Variants in PDE10A observed in about 807,000 individuals in gnomAD.
The protein encoded by PDE10A is phosphodiesterase 10A, also known as cAMP and cAMP-inhibited cGMP 3',5'-cyclic phosphodiesterase 10A.
A neutral mutation model predicts 97.7 loss-of-function variants in PDE10A; 39 were observed. The observed-to-expected ratio is 0.40, with a 90% CI of 0.31 to 0.52. The LOEUF (loss-of-function observed/expected upper bound fraction) is 0.52, where lower values mean the gene tolerates loss of function less well. PDE10A is among the 20% of genes least tolerant of loss of function. PDE10A has a pLI of 0.56. For synonymous variants in PDE10A, 371 were observed against 376.8 expected (o/e 0.98, Z 0.18); for missense variants, 731 against 1,047.8 (o/e 0.70, Z 4.17).
intron 13 of PDE10A, among the ~76,000 whole-genome samples, chr6:165,397,527 T>A (rs527967378): frequency 1.2e-4 from 18 of 151,910 alleles, no homozygotes; most frequent in Non-Finnish European, 2.1e-4. Context: ...CTGGCCAACA[T>A]GGCAAAACCC....
At chr6:165,529,351 A>G (rs1038213588) in intron 2 of PDE10A, among the ~76,000 whole-genome samples, 3 of 152,202 alleles carry the variant, frequency 2.0e-5, no homozygotes, top group African/African-American at 7.2e-5. Context: ...GGAAACTATA[A>G]GCCCTGTGAT....
At chr6:165,945,918 G>A (rs558876652) in intron 1 of PDE10A, among the ~76,000 whole-genome samples, 2 of 152,308 alleles carry the variant, frequency 1.3e-5, no homozygotes, top group African/African-American at 2.4e-5. Flanking sequence ...TTTAGCAACT[G>A]TAAAAATGCC....
Position 165,681,439 on chromosome 6 carries a change from T to G in PDE10A, c.-614-137871A>C, listed in dbSNP as rs143367561. The stretch of plus-strand genomic sequence containing the variant: ...GTGTGTGTGTGTGTGTCTGTGTGCA[T>G]TTTCCCTTAAAGCAATGGTGCAGAA... On this transcript the variant is annotated intron_variant, in intron 1 of 19. Coordinates refer to the PDE10A transcript ENST00000366882. 3.4e-3 allele frequency among the ~76,000 whole-genome samples: 524 copies of G among 152,088 alleles called. 1 individual carries two copies. Among genetic ancestry groups the G allele is most frequent in the Non-Finnish European group, 5.0e-3 (339 of 68,004 alleles).
intron 1 of PDE10A, among the ~76,000 whole-genome samples, chr6:165,698,401 G>A (rs115862802): frequency 0.016 from 2,442 of 152,264 alleles, 65 homozygotes; most frequent in African/African-American, 0.057. Context: ...AACAGGCAAC[G>A]CAAGCTGGAG....
chr6:165,345,596 G>T lies in PDE10A; in HGVS notation c.2784-2094C>A, dbSNP rs186178939. Among the ~76,000 whole-genome samples the T allele has an allele frequency of 1.5e-3, 229 of 152,294 alleles. 1 individual carries two copies. Among genetic ancestry groups the T allele is most frequent in the African/African-American group, 5.1e-3 (213 of 41,554 alleles). On this transcript the variant is annotated intron_variant, in intron 18 of 21. Coordinates refer to ENST00000539869, the MANE Select transcript of PDE10A (RefSeq NM_001385079.1). ...CCAATTGTGAAAGGATCATGTTCAT[G>T]CTAAGCCTACTCTTGGTTTGAGATC...
chr6:165,572,532 C>A (rs1785097718), intron 1 of PDE10A, among the ~76,000 whole-genome samples: 1 of 152,218 alleles, frequency 6.6e-6, no homozygotes, highest in Non-Finnish European at 1.5e-5. Context: ...TCCAAAATGT[C>A]ATTTTAACAA....
chr6:165,498,857 T>C (rs1189961299), intron 2 of PDE10A, among the ~76,000 whole-genome samples: 3 of 152,216 alleles, frequency 2.0e-5, no homozygotes, highest in South Asian at 4.1e-4. Context: ...ACTAACTTCA[T>C]TGGTACATCT....
At chr6:165,839,842 T>TCCC (rs1780176813) in intron 1 of PDE10A, among the ~76,000 whole-genome samples, 1 of 81,212 alleles carries the variant, frequency 1.2e-5, no homozygotes, top group Non-Finnish European at 2.5e-5. Flanking sequence ...GTCTCCATTC[T>TCCC]TATCATCTCC....
chr6:165,958,511 AAG>A (rs1562326974), intron 1 of PDE10A, among the ~76,000 whole-genome samples: 2 of 9,450 alleles, frequency 2.1e-4, no homozygotes, highest in African/African-American at 1.4e-3. Context: ...GAAAGAAAGA[AAG>A]AAAGAAAGAA....
intron 1 of PDE10A, among the ~76,000 whole-genome samples, chr6:165,598,639 G>T (rs899902089): frequency 5.3e-5 from 8 of 152,088 alleles, no homozygotes; most frequent in Non-Finnish European, 1.2e-4. Context: ...TAAAGATAAT[G>T]CACATCAAAT....
In PDE10A at chr6:165,333,229, G is replaced by A. The variant is rs112317923; in HGVS notation, c.3066-102C>T. The A allele has an allele frequency of 3.1e-4, 227 of 737,228 alleles. No homozygotes were observed. The African/African-American group carries it at 3.3e-3, about 11-fold the overall frequency. The allele number at this position is 737,228 out of a possible 1,614,324, so 45.7% of individuals were successfully genotyped here. A position where few individuals can be genotyped will look rare whatever the true frequency, so the allele number is the denominator to read the frequency against. On this transcript the variant is annotated intron_variant, in intron 21 of 21. Transcript: ENST00000539869. ...GTCCTGTGGCACAGCTCTGCACAAC[G>A]GCATTGTGTGGGGCCCTCCGACATG...
intron 2 of PDE10A, among the ~76,000 whole-genome samples, chr6:165,502,571 T>C (rs1309067360): frequency 6.6e-6 from 1 of 152,128 alleles, no homozygotes; most frequent in African/African-American, 2.4e-5. Context: ...AAGTACCCAT[T>C]AGAATGGAGA....
intron 1 of PDE10A, among the ~76,000 whole-genome samples, chr6:165,952,076 G>A (rs555215631): frequency 1.2e-4 from 19 of 152,306 alleles, no homozygotes; most frequent in South Asian, 1.2e-3. Context: ...GTCCTCATGC[G>A]AAGTAACGAG....
intron 1 of PDE10A, chr6:165,576,393 C>T: frequency 1.3e-6 from 1 of 780,738 alleles, no homozygotes; most frequent in Non-Finnish European, 2.4e-6. Context: ...CTTTTGCTGG[C>T]TTCGTGTCCT....
chr6:165,600,723 T>C (rs563053802), intron 1 of PDE10A, among the ~76,000 whole-genome samples: 3 of 152,312 alleles, frequency 2.0e-5, no homozygotes, highest in Non-Finnish European at 4.4e-5. Flanking sequence ...TCCCACAGTA[T>C]GTGTTGTATA....
chr6:165,898,903 C>T (rs1226316447), intron 1 of PDE10A, among the ~76,000 whole-genome samples: 1 of 152,202 alleles, frequency 6.6e-6, no homozygotes, highest in African/African-American at 2.4e-5. Context: ...GTTCTTCCTC[C>T]AGATGTCTGT....
At chr6:165,749,047 T>G (rs1463677630) in intron 1 of PDE10A, among the ~76,000 whole-genome samples, 1 of 152,202 alleles carries the variant, frequency 6.6e-6, no homozygotes, top group Non-Finnish European at 1.5e-5. Context: ...TATTCTAATC[T>G]CTCATCTCTT....
chr6:165,722,084 T>G (rs1792180065), intron 1 of PDE10A, among the ~76,000 whole-genome samples: 1 of 152,206 alleles, frequency 6.6e-6, no homozygotes, highest in Admixed American at 6.5e-5. Context: ...TTGCAAAAAT[T>G]TTCAAGTGGC....
chr6:165,929,287 G>T (rs549635348), intron 1 of PDE10A, among the ~76,000 whole-genome samples: 1 of 152,290 alleles, frequency 6.6e-6, no homozygotes, highest in African/African-American at 2.4e-5. Flanking sequence ...GATGGTGTAG[G>T]AAGTGGCTGG....
Sources: allele counts gnomAD v4.1 joint callset (sites outside exome capture counted in the v4.1 genomes callset), GRCh38; gene constraint gnomAD v4.1.1; transcripts MANE v1.5; gene names NCBI Gene and HGNC (gene_info 2026-07-23, HGNC 2026-07-21).